The following GLRA3 variants were observed in gnomAD, a reference collection of about 807,000 sequenced individuals.
GLRA3 encodes glycine receptor subunit alpha-3.
Under a neutral mutation model 60.4 loss-of-function variants are expected in GLRA3, and 44 were observed. The ratio of observed to expected loss-of-function variants is 0.73; its 90% confidence interval spans 0.57 to 0.94. The LOEUF is 0.94. GLRA3 is among the 40% of genes least tolerant of loss of function. GLRA3 has a pLI of 0.00. For synonymous variants in GLRA3, 223 were observed against 192.9 expected (o/e 1.16, Z -1.29); for missense variants, 508 against 564.6 (o/e 0.90, Z 1.02).
chr4:174,653,001 A>G (rs1376953789), intron 9 of GLRA3, among the ~76,000 whole-genome samples: 2 of 152,138 alleles, frequency 1.3e-5, no homozygotes, highest in Non-Finnish European at 2.9e-5. Context: ...CATTATTTGC[A>G]TCTTAAAGTT....
At chr4:174,825,913 A>T (rs1372116342) in intron 1 of GLRA3, among the ~76,000 whole-genome samples, 1 of 152,136 alleles carries the variant, frequency 6.6e-6, no homozygotes, top group Non-Finnish European at 1.5e-5. Flanking sequence ...TAGTACGATA[A>T]CATTACACTG....
At position 174,794,485 on chromosome 4, in the gene GLRA3, A is replaced by G. The variant is rs143972548; in HGVS notation, c.72-5542T>C. On this transcript the variant is annotated intron_variant, in intron 1 of 9. Coordinates refer to ENST00000274093, the MANE Select transcript of GLRA3 (RefSeq NM_006529.4). ...AACACAATTTTATGCACACACGCACACACACACATACACACCACACACTAT... is the reference window on the plus strand; with the variant it reads ...AACACAATTTTATGCACACACGCACGCACACACATACACACCACACACTAT... Among the ~76,000 whole-genome samples, 445 of 152,300 alleles carry G rather than the reference A, an allele frequency of 2.9e-3. 1 individual carries two copies. The highest frequency in any genetic ancestry group is 6.2e-3 in the Admixed American group (95 of 15,296).
intron 6 of GLRA3, among the ~76,000 whole-genome samples, chr4:174,681,891 G>C (rs1734360062): frequency 6.6e-6 from 1 of 152,158 alleles, no homozygotes; most frequent in African/African-American, 2.4e-5. Flanking sequence ...TAATAAGTTA[G>C]ATATCAGCTT....
intron 5 of GLRA3, among the ~76,000 whole-genome samples, chr4:174,692,507 G>A (rs944934055): frequency 1.3e-5 from 2 of 150,528 alleles, no homozygotes; most frequent in Non-Finnish European, 3.0e-5. Context: ...AGGGGGGAAA[G>A]GTGGGGAAAA....
intron 6 of GLRA3, among the ~76,000 whole-genome samples, chr4:174,682,209 T>C (rs1734372332): frequency 6.6e-6 from 1 of 152,198 alleles, no homozygotes; most frequent in South Asian, 2.1e-4. Flanking sequence ...AGAATACGTC[T>C]TATGGAAATA....
At chr4:174,708,334 T>C (rs1293532782) in intron 5 of GLRA3, among the ~76,000 whole-genome samples, 2 of 152,074 alleles carry the variant, frequency 1.3e-5, no homozygotes, top group Non-Finnish European at 2.9e-5. Flanking sequence ...AATTAAATCA[T>C]AAAATCCTCT....
Position 174,642,003 on chromosome 4 carries a change from C to T in GLRA3, c.*1783G>A, listed in dbSNP as rs372054480. On this transcript the variant is annotated 3_prime_UTR_variant, in exon 10 of 10. Transcript: ENST00000274093. ...TAATTTTCAGGTGCACAGTCCTCAA[C>T]GTGGGTACTTACAGAGTAACAAATT... 29 of 226,318 alleles carry T rather than the reference C, an allele frequency of 1.3e-4. No homozygotes were observed. Among genetic ancestry groups the T allele is most frequent in the African/African-American group, 6.1e-4 (26 of 42,724 alleles). The allele number at this position is 226,318 out of a possible 1,614,324, so 14.0% of individuals were successfully genotyped here. A position where few individuals can be genotyped will look rare whatever the true frequency, so the allele number is the denominator to read the frequency against.
rs182668661 is a variant in GLRA3 at position 174,651,244 on chromosome 4, G to A, written c.1116+5499C>T. 1.4e-3 allele frequency among the ~76,000 whole-genome samples: 211 copies of A among 152,206 alleles called. 3 individuals carry two copies. Among genetic ancestry groups the A allele is most frequent in the Middle Eastern group, 0.014 (4 of 294 alleles). On this transcript the variant is annotated intron_variant, in intron 9 of 9. Transcript: ENST00000274093. ...ATATCCCATCTGCCCAGAGAGCAAAGGCTTAAACGGATATTGGAATGGCCA... is the reference window on the plus strand; with the variant it reads ...ATATCCCATCTGCCCAGAGAGCAAAAGCTTAAACGGATATTGGAATGGCCA...
At chr4:174,758,902 A>G (rs949901539) in intron 3 of GLRA3, among the ~76,000 whole-genome samples, 3 of 152,170 alleles carry the variant, frequency 2.0e-5, no homozygotes. Context: ...GAGTAACTGA[A>G]GAAGGCAAAT....
intron 1 of GLRA3, among the ~76,000 whole-genome samples, chr4:174,792,638 T>C (rs1739400335): frequency 1.3e-5 from 2 of 152,228 alleles, no homozygotes; most frequent in Non-Finnish European, 2.9e-5. Context: ...TTTTGTTAAG[T>C]ATATTGTGTG....
At chr4:174,810,295 C>T (rs1740210276) in intron 1 of GLRA3, among the ~76,000 whole-genome samples, 1 of 152,120 alleles carries the variant, frequency 6.6e-6, no homozygotes, top group Non-Finnish European at 1.5e-5. Context: ...AGAATATTCA[C>T]TTCTCTATTC....
intron 2 of GLRA3, among the ~76,000 whole-genome samples, chr4:174,780,985 C>A (rs1017793754): frequency 1.3e-5 from 2 of 152,216 alleles, no homozygotes; most frequent in Non-Finnish European, 2.9e-5. Context: ...CTATAGAACT[C>A]TCCACCCCAA....
intron 2 of GLRA3, among the ~76,000 whole-genome samples, chr4:174,775,572 T>C (rs1374466046): frequency 6.6e-6 from 1 of 152,190 alleles, no homozygotes; most frequent in Non-Finnish European, 1.5e-5. Flanking sequence ...ATTGGGTGAT[T>C]ACTGAAGGAA....
chr4:174,678,660 A>G (rs1204890843), intron 6 of GLRA3, among the ~76,000 whole-genome samples: 1 of 152,112 alleles, frequency 6.6e-6, no homozygotes, highest in Admixed American at 6.6e-5. Context: ...CGTGGATTCC[A>G]CTCTTAAGTG....
intron 4 of GLRA3, among the ~76,000 whole-genome samples, chr4:174,725,055 G>A (rs1436585975): frequency 6.6e-6 from 1 of 152,210 alleles, no homozygotes; most frequent in Non-Finnish European, 1.5e-5. Context: ...TTTGCAAAAT[G>A]TATTAACATT....
Position 174,790,622 on chromosome 4 carries a change from A to C in GLRA3, c.72-1679T>G, listed in dbSNP as rs1186970465. Among the ~76,000 whole-genome samples the C allele has an allele frequency of 2.6e-5, 4 of 151,826 alleles. No homozygotes were observed. In the East Asian group the frequency reaches 7.8e-4, roughly 29 times the overall value. The stretch of plus-strand genomic sequence containing the variant: ...AGAAAATAAACTTCTACCTCCTCCT[A>C]CCAACAAATATACCAATTTATCTTG... On this transcript the variant is annotated intron_variant, in intron 1 of 9. Coordinates refer to ENST00000274093, the MANE Select transcript of GLRA3 (RefSeq NM_006529.4).
At chr4:174,666,488 G>T (rs1475040529) in intron 7 of GLRA3, among the ~76,000 whole-genome samples, 1 of 151,888 alleles carries the variant, frequency 6.6e-6, no homozygotes, top group African/African-American at 2.4e-5. Flanking sequence ...GGAGGCTATT[G>T]TTTACTTGCC....
chr4:174,740,664 T>G (rs2062429), intron 3 of GLRA3, among the ~76,000 whole-genome samples: 144,040 of 152,230 alleles, frequency 0.95, 68,620 homozygotes, highest in East Asian at 1. Flanking sequence ...TACATACAGA[T>G]CTGTACCAAA....
At chr4:174,791,101 C>T (rs982735505) in intron 1 of GLRA3, among the ~76,000 whole-genome samples, 4 of 150,948 alleles carry the variant, frequency 2.6e-5, no homozygotes, top group Non-Finnish European at 5.9e-5. Context: ...TTATCAAGGG[C>T]AGTTCTATAT....
Sources: allele counts gnomAD v4.1 joint callset (sites outside exome capture counted in the v4.1 genomes callset), GRCh38; gene constraint gnomAD v4.1.1; transcripts MANE v1.5; gene names NCBI Gene and HGNC (gene_info 2026-07-23, HGNC 2026-07-21).